Variants in WARS2 observed in about 807,000 individuals in gnomAD.
The protein encoded by WARS2 is tryptophanyl tRNA synthetase 2, mitochondrial.
Under a neutral mutation model 36.5 loss-of-function variants are expected in WARS2, and 28 were observed. That is an observed-to-expected ratio of 0.77 (90% CI 0.57 to 1.05). WARS2 has a LOEUF of 1.05. Among genes scored for constraint, WARS2 ranks in the 50% least tolerant of loss-of-function variants. The pLI is 0.00. For missense variants in WARS2, 435 were observed against 456.8 expected (o/e 0.95, Z 0.44); for synonymous variants, 174 against 178.4 (o/e 0.98, Z 0.20).
chr1:119,085,346 G>T, intron 1 of WARS2: 1 of 1,354,954 alleles, frequency 7.4e-7, no homozygotes, highest in Non-Finnish European at 1.1e-6. Context: ...CCTAGTTCTT[G>T]CTGCTGTGCT....
intron 1 of WARS2, among the ~76,000 whole-genome samples, chr1:119,117,270 C>T (rs1168051701): frequency 6.6e-6 from 1 of 152,130 alleles, no homozygotes; most frequent in Non-Finnish European, 1.5e-5. Flanking sequence ...GTGGCTGCAG[C>T]AAGCCCCACC....
intron 2 of WARS2, chr1:119,047,569 A>G (rs1648965633): frequency 6.6e-6 from 1 of 152,214 alleles, no homozygotes; most frequent in Non-Finnish European, 1.5e-5. Flanking sequence ...CTTCATACAG[A>G]AAAAGTAGGT....
chr1:119,095,624 G>A (rs587757358), intron 1 of WARS2, among the ~76,000 whole-genome samples: 1 of 152,080 alleles, frequency 6.6e-6, no homozygotes, highest in Non-Finnish European at 1.5e-5. Context: ...GTACAGACAG[G>A]GTTTCACCAT....
chr1:119,136,777 C>T (rs1002251759), intron 1 of WARS2, among the ~76,000 whole-genome samples: 1 of 152,206 alleles, frequency 6.6e-6, no homozygotes, highest in Admixed American at 6.5e-5. Context: ...TTAAATCTTA[C>T]GATCCTAATT....
At chr1:119,051,960 A>G (rs1649399820) in intron 2 of WARS2, among the ~76,000 whole-genome samples, 1 of 151,770 alleles carries the variant, frequency 6.6e-6, no homozygotes, top group African/African-American at 2.4e-5. Flanking sequence ...GGGTTTCACC[A>G]TATCGGCCAG....
chr1:119,131,152 G>A (rs1279316063), intron 1 of WARS2, among the ~76,000 whole-genome samples: 1 of 152,118 alleles, frequency 6.6e-6, no homozygotes, highest in Non-Finnish European at 1.5e-5. Flanking sequence ...TAAGAACAAA[G>A]TTTTTGGAAC....
chr1:119,052,062 T>G (rs895998729), intron 2 of WARS2, among the ~76,000 whole-genome samples: 3 of 152,086 alleles, frequency 2.0e-5, no homozygotes, highest in Admixed American at 6.5e-5. Context: ...ACCCGGCCCT[T>G]GCTGTATTTT....
chr1:119,070,397 C>G (rs922560031), intron 2 of WARS2, among the ~76,000 whole-genome samples: 1 of 151,966 alleles, frequency 6.6e-6, no homozygotes, highest in African/African-American at 2.4e-5. Flanking sequence ...TCCCAAGTAG[C>G]TGGGACCACA....
At chr1:119,072,139 A>T (rs996997357) in intron 2 of WARS2, among the ~76,000 whole-genome samples, 1 of 152,172 alleles carries the variant, frequency 6.6e-6, no homozygotes, top group Non-Finnish European at 1.5e-5. Flanking sequence ...CTACTTGAAA[A>T]TGGTTCTAAG....
chr1:119,056,315 G>T (rs1419129192), intron 2 of WARS2, among the ~76,000 whole-genome samples: 1 of 150,762 alleles, frequency 6.6e-6, no homozygotes, highest in Non-Finnish European at 1.5e-5. Flanking sequence ...GGGATTACAG[G>T]CATGAGCCAT....
chr1:119,125,642 G>C (rs1330382634), intron 1 of WARS2, among the ~76,000 whole-genome samples: 2 of 152,174 alleles, frequency 1.3e-5, no homozygotes, highest in Admixed American at 1.3e-4. Flanking sequence ...TCATTCAGGA[G>C]ACAATGGGTC....
chr1:119,076,680 G>C, intron 1 of WARS2, 73 bp from the exon 2 acceptor site: 1 of 1,565,514 alleles, frequency 6.4e-7, no homozygotes, highest in Non-Finnish European at 8.6e-7. Context: ...TGTTATCATA[G>C]CTATGGGAGC....
At chr1:119,061,332 A>G (rs907318725) in intron 2 of WARS2, among the ~76,000 whole-genome samples, 4 of 152,216 alleles carry the variant, frequency 2.6e-5, no homozygotes, top group African/African-American at 9.6e-5. Context: ...TGAGATGAAT[A>G]AACAGATAGA....
At chr1:119,084,968 T>C (rs1652514048) in intron 1 of WARS2, 2 of 452,910 alleles carry the variant, frequency 4.4e-6, no homozygotes, top group East Asian at 4.2e-5. Flanking sequence ...ACATAATTAT[T>C]TCCAAATCTA....
intron 5 of WARS2, 155 bp from the exon 6 acceptor site, chr1:119,033,514 CTG>C: frequency 1.1e-6 from 1 of 912,724 alleles, no homozygotes; most frequent in Non-Finnish European, 1.7e-6. Context: ...TCAGTAGAAA[CTG>C]TACTTGAAAT....
chr1:119,102,450 CAGAA>C (rs1653943762), intron 1 of WARS2, among the ~76,000 whole-genome samples: 1 of 152,228 alleles, frequency 6.6e-6, no homozygotes, highest in South Asian at 2.1e-4. Context: ...TTTGACTTCA[CAGAA>C]AGGGGTCCCT....
At chr1:119,115,047 T>C (rs1313309997) in intron 1 of WARS2, among the ~76,000 whole-genome samples, 1 of 152,194 alleles carries the variant, frequency 6.6e-6, no homozygotes, top group Non-Finnish European at 1.5e-5. Flanking sequence ...GTCAGATTTC[T>C]GGAAAGCTGC....
chr1:119,117,181 T>C (rs1264769082), intron 1 of WARS2, among the ~76,000 whole-genome samples: 1 of 152,096 alleles, frequency 6.6e-6, no homozygotes, highest in Non-Finnish European at 1.5e-5. Flanking sequence ...TGGTGACTTG[T>C]ATGATACAGC....
intron 1 of WARS2, among the ~76,000 whole-genome samples, chr1:119,077,716 A>T (rs1461850928): frequency 1.3e-5 from 2 of 152,086 alleles, no homozygotes; most frequent in African/African-American, 4.8e-5. Context: ...TTTGGTTTGT[A>T]CTTTCTAATA....
Sources: gnomAD v4.1 joint callset for allele counts (sites outside exome capture counted in the v4.1 genomes callset) on GRCh38, gnomAD v4.1.1 for gene constraint, MANE v1.5 for transcripts, NCBI Gene and HGNC (gene_info 2026-07-23, HGNC 2026-07-21) for gene names.